ARNT2: variants seen among roughly 807,000 people sequenced by gnomAD.
ARNT2 encodes the protein ARNT protein 2.
ARNT2 carries 36 observed loss-of-function variants against 91.7 expected under a neutral mutation model. That is an observed-to-expected ratio of 0.39 (90% CI 0.30 to 0.52). The LOEUF is 0.52. Among genes scored for constraint, ARNT2 ranks in the 20% least tolerant of loss-of-function variants. The probability of loss-of-function intolerance (pLI) is 0.72; values close to 1 mark genes in which losing one functional copy is unlikely to be tolerated. For missense variants in ARNT2, 775 were observed against 939.3 expected (o/e 0.83, Z 2.29); for synonymous variants, 365 against 347.1 (o/e 1.05, Z -0.57).
chr15:80,592,185 C>T (rs554029513), intron 18 of ARNT2, among the ~76,000 whole-genome samples: 1 of 152,270 alleles, frequency 6.6e-6, no homozygotes, highest in African/African-American at 2.4e-5. Context: ...GGGAGAGTCC[C>T]CGATTGAGGA....
At chr15:80,492,527 T>C (rs892161232) in intron 5 of ARNT2, among the ~76,000 whole-genome samples, 4 of 152,230 alleles carry the variant, frequency 2.6e-5, no homozygotes, top group Non-Finnish European at 5.9e-5. Context: ...TGTTACTTGG[T>C]TGGAAGCAGA....
intron 5 of ARNT2, among the ~76,000 whole-genome samples, chr15:80,486,599 G>A (rs1001019973): frequency 1.3e-5 from 2 of 152,204 alleles, no homozygotes; most frequent in South Asian, 2.1e-4. Context: ...GACTTGTCGT[G>A]TTGAGTCAAG....
chr15:80,505,768 G>A (rs1272256133), intron 5 of ARNT2, among the ~76,000 whole-genome samples: 3 of 152,080 alleles, frequency 2.0e-5, no homozygotes, highest in African/African-American at 7.2e-5. Flanking sequence ...AAAGATAGGG[G>A]ACTGTGGAGA....
At chr15:80,451,294 C>G (rs1346567905) in intron 2 of ARNT2, among the ~76,000 whole-genome samples, 1 of 152,244 alleles carries the variant, frequency 6.6e-6, no homozygotes, top group East Asian at 1.9e-4. Flanking sequence ...CCTGCCTGAG[C>G]CTCCAAGCCA....
intron 8 of ARNT2, among the ~76,000 whole-genome samples, chr15:80,526,776 G>A (rs1216362028): frequency 6.6e-6 from 1 of 152,226 alleles, no homozygotes; most frequent in Non-Finnish European, 1.5e-5. Flanking sequence ...AATCTGCTAT[G>A]GTCAGGCCAG....
chr15:80,491,418 G>A (rs1198088913), intron 5 of ARNT2, among the ~76,000 whole-genome samples: 3 of 152,136 alleles, frequency 2.0e-5, no homozygotes, highest in Non-Finnish European at 4.4e-5. Flanking sequence ...AACAGCACGT[G>A]AAAGACCTGC....
chr15:80,423,776 C>CAGAGAGAGAGAGAG (rs3054951), intron 1 of ARNT2, among the ~76,000 whole-genome samples: 9 of 148,614 alleles, frequency 6.1e-5, no homozygotes, highest in Admixed American at 1.3e-4. Context: ...GAGAAAGAGG[C>CAGAGAGAGAGAGAG]AGAGAGAGAG....
chr15:80,504,639 A>G (rs913837869), intron 5 of ARNT2, among the ~76,000 whole-genome samples: 2 of 152,130 alleles, frequency 1.3e-5, no homozygotes, highest in Admixed American at 6.5e-5. Context: ...ATGGGGGCAC[A>G]CGTCTGTAGT....
At chr15:80,574,065 T>C (rs1231029780) in intron 12 of ARNT2, 83 bp from the exon 13 acceptor site, 2 of 1,130,514 alleles carry the variant, frequency 1.8e-6, no homozygotes, top group South Asian at 2.5e-5. Context: ...ACTCTGCCTC[T>C]GAGGTATGGG....
intron 2 of ARNT2, 124 bp downstream of exon 2, chr15:80,451,118 T>A (rs777358728): frequency 3.6e-4 from 355 of 979,932 alleles, no homozygotes; most frequent in Non-Finnish European, 4.8e-4. Context: ...GCATCCTGTT[T>A]AACTTTTACA....
chr15:80,479,862 C>T (rs1234213053), intron 5 of ARNT2, among the ~76,000 whole-genome samples: 1 of 152,172 alleles, frequency 6.6e-6, no homozygotes, highest in African/African-American at 2.4e-5. Context: ...TGAGGTCCAC[C>T]TACCTCACCA....
At chr15:80,420,981 T>C (rs1447094964) in intron 1 of ARNT2, among the ~76,000 whole-genome samples, 2 of 152,106 alleles carry the variant, frequency 1.3e-5, no homozygotes, top group African/African-American at 2.4e-5. Context: ...CAATTCACAA[T>C]TGCAAAGATA....
intron 5 of ARNT2, among the ~76,000 whole-genome samples, chr15:80,480,572 G>A (rs1051637463): frequency 2.6e-5 from 4 of 152,148 alleles, no homozygotes; most frequent in African/African-American, 9.7e-5. Flanking sequence ...AGACAAGGTC[G>A]ATTTGGCCTG....
intron 1 of ARNT2, among the ~76,000 whole-genome samples, chr15:80,441,599 A>G (rs1312927401): frequency 6.6e-6 from 1 of 152,178 alleles, no homozygotes; most frequent in South Asian, 2.1e-4. Flanking sequence ...CAATGTAAAG[A>G]TCAGGGGATA....
intron 6 of ARNT2, among the ~76,000 whole-genome samples, chr15:80,512,179 AGGCTGGTT>A (rs1897352168): frequency 6.6e-6 from 1 of 152,222 alleles, no homozygotes; most frequent in Non-Finnish European, 1.5e-5. Flanking sequence ...GTTTATGTAC[AGGCTGGTT>A]GGTCTCCCTC....
intron 18 of ARNT2, among the ~76,000 whole-genome samples, chr15:80,593,098 T>C (rs1193343764): frequency 1.3e-5 from 2 of 152,222 alleles, no homozygotes; most frequent in Non-Finnish European, 2.9e-5. Context: ...ATGGGTCATC[T>C]GAGGCCCAGA....
intron 2 of ARNT2, among the ~76,000 whole-genome samples, chr15:80,451,513 C>G (rs1371681629): frequency 2.0e-5 from 3 of 152,212 alleles, no homozygotes; most frequent in African/African-American, 7.2e-5. Flanking sequence ...ACTATTGTTC[C>G]AAGTGTACTT....
intron 3 of ARNT2, among the ~76,000 whole-genome samples, chr15:80,467,375 A>G (rs916286931): frequency 6.6e-6 from 1 of 152,194 alleles, no homozygotes; most frequent in African/African-American, 2.4e-5. Flanking sequence ...GAAGATAAGT[A>G]GGAATGGCTA....
At chr15:80,551,610 T>C (rs950991997) in intron 9 of ARNT2, among the ~76,000 whole-genome samples, 7 of 152,196 alleles carry the variant, frequency 4.6e-5, no homozygotes, top group African/African-American at 1.4e-4. Context: ...AAGCTCATCA[T>C]TACAACTTTA....
Sources: gnomAD v4.1 joint callset for allele counts (sites outside exome capture counted in the v4.1 genomes callset) on GRCh38, gnomAD v4.1.1 for gene constraint, MANE v1.5 for transcripts, NCBI Gene and HGNC (gene_info 2026-07-23, HGNC 2026-07-21) for gene names.